FHOD3: variants seen among roughly 807,000 people sequenced by gnomAD.
FHOD3 encodes the protein FH1/FH2 domain-containing protein 3.
Under a neutral mutation model 173.0 loss-of-function variants are expected in FHOD3, and 90 were observed. That is an observed-to-expected ratio of 0.52 (90% CI 0.44 to 0.62). The LOEUF (loss-of-function observed/expected upper bound fraction) is 0.62. Ranked by LOEUF, FHOD3 falls within the 20% of genes least tolerant of loss-of-function variation. The pLI, the probability that FHOD3 is intolerant of heterozygous loss-of-function variation, is 0.00. For synonymous variants in FHOD3, 828 were observed against 823.0 expected, an observed-to-expected ratio of 1.01 and a Z score of -0.10; for missense variants, 1,945 against 2,034.7, an observed-to-expected ratio of 0.96 and a Z score of 0.85.
At chr18:36,626,350 C>T (rs1390011580) in intron 10 of FHOD3, among the ~76,000 whole-genome samples, 2 of 152,108 alleles carry the variant, frequency 1.3e-5, no homozygotes, top group South Asian at 2.1e-4. Flanking sequence ...TTGAGCCTCA[C>T]GTTTGGGCTG....
At chr18:36,577,657 G>T (rs2058704686) in intron 6 of FHOD3, among the ~76,000 whole-genome samples, 1 of 152,186 alleles carries the variant, frequency 6.6e-6, no homozygotes, top group Non-Finnish European at 1.5e-5. Flanking sequence ...CCACTGTCAG[G>T]TAAGTAATAT....
chr18:36,691,500 A>T (rs533378), intron 16 of FHOD3, among the ~76,000 whole-genome samples: 72,352 of 152,028 alleles, frequency 0.48, 17,418 homozygotes, highest in East Asian at 0.68. Context: ...TTACCCTTAA[A>T]ATTGTTTTCT....
intron 3 of FHOD3, among the ~76,000 whole-genome samples, chr18:36,498,589 A>C (rs1443799844): frequency 6.6e-6 from 1 of 152,206 alleles, no homozygotes; most frequent in Non-Finnish European, 1.5e-5. Flanking sequence ...ACAAATGAAC[A>C]AACTTCATTG....
intron 19 of FHOD3, among the ~76,000 whole-genome samples, chr18:36,728,374 T>C (rs1157735578): frequency 1.3e-5 from 2 of 152,316 alleles, no homozygotes; most frequent in Non-Finnish European, 2.9e-5. Context: ...AACATAAAAT[T>C]AGATTTAAAA....
intron 1 of FHOD3, among the ~76,000 whole-genome samples, chr18:36,353,340 T>C (rs1479386440): frequency 2.6e-5 from 4 of 152,258 alleles, no homozygotes; most frequent in African/African-American, 9.6e-5. Context: ...CTGTTGTGGA[T>C]AACCAGAAAC....
chr18:36,578,327 C>T (rs2058730517), intron 6 of FHOD3, among the ~76,000 whole-genome samples: 1 of 152,060 alleles, frequency 6.6e-6, no homozygotes, highest in Admixed American at 6.5e-5. Flanking sequence ...AGGGGAGCCA[C>T]CCTTTATAAA....
chr18:36,493,635 A>G (rs1476922690), intron 3 of FHOD3, among the ~76,000 whole-genome samples: 1 of 152,184 alleles, frequency 6.6e-6, no homozygotes, highest in Non-Finnish European at 1.5e-5. Context: ...TGGTGTTTGA[A>G]GAGCAAATGG....
chr18:36,518,582 T>A (rs2056112907), intron 5 of FHOD3, among the ~76,000 whole-genome samples: 2 of 152,194 alleles, frequency 1.3e-5, no homozygotes. Context: ...TGGGGCTGAA[T>A]GGAACCTGCA....
Position 36,746,997 on chromosome 18 carries a change from A to T in FHOD3, c.4094A>T (p.Lys1365Ile). Residue 1365 changes from lysine to isoleucine, a missense_variant, in exon 24 of 29, where the codon AAA (lysine) becomes ATA (isoleucine). By Grantham distance (102) the Lys-to-Ile change is moderately radical. Coordinates refer to ENST00000590592, the MANE Select transcript of FHOD3 (RefSeq NM_001281740.3). ...DNLCQMERRC[K>I]ASWDHLKAIA... ...TTATGTCAGATGGAGAGAAGATGCA[A>T]AGCTTCATGGGATCACCTCAAGGCA... 6.2e-7 allele frequency: 1 copy of T among 1,612,952 alleles called. No individual in the cohort carries two copies.
intron 1 of FHOD3, among the ~76,000 whole-genome samples, chr18:36,309,749 A>G (rs1164900006): frequency 5.3e-5 from 8 of 152,202 alleles, no homozygotes; most frequent in African/African-American, 1.2e-4. Flanking sequence ...GTCCAGAACA[A>G]TAGTCAAGGA....
At chr18:36,726,883 C>G (rs1207078525) in intron 19 of FHOD3, among the ~76,000 whole-genome samples, 2 of 152,162 alleles carry the variant, frequency 1.3e-5, no homozygotes, top group African/African-American at 2.4e-5. Context: ...CTATGTTGGC[C>G]AGGATGGCCT....
chr18:36,720,043 G>A (rs560330606), intron 19 of FHOD3, among the ~76,000 whole-genome samples: 30 of 152,064 alleles, frequency 2.0e-4, no homozygotes, highest in African/African-American at 4.3e-4. Context: ...AATCTACACC[G>A]TTAGGATCCA....
Position 36,718,652 on chromosome 18 carries a change from G to C in FHOD3, c.3354G>C (p.Lys1118Asn), listed in dbSNP as rs745642307. The change falls in exon 19 of 29, where the codon AAG becomes AAC. Residue 1118 changes from lysine to asparagine, a missense_variant. Physicochemically the swap from Lys to Asn is moderately conservative, Grantham distance 94. This residue lies in a region of FHOD3 where 231 missense variants were observed against 321.9 expected (regional missense o/e 0.72). Coordinates refer to ENST00000590592, the MANE Select transcript of FHOD3 (RefSeq NM_001281740.3). The stretch of plus-strand genomic sequence containing the variant: ...TGTGGTCAAAACTGGAACCCATTAA[G>C]GTGGACACTTCCAGACTGGAGCACC... ...EFLWSKLEPI[K>N]VDTSRLEHLF... 2 of 1,614,200 alleles carry C rather than the reference G, an allele frequency of 1.2e-6. No homozygotes were observed. Among genetic ancestry groups the C allele is most frequent in the Non-Finnish European group, 1.7e-6 (2 of 1,180,052 alleles).
intron 5 of FHOD3, among the ~76,000 whole-genome samples, chr18:36,523,082 C>A (rs927256544): frequency 9.1e-4 from 139 of 152,300 alleles, no homozygotes; most frequent in Non-Finnish European, 4.7e-4. Flanking sequence ...CCCTAGCCCC[C>A]CAACCACACT....
intron 5 of FHOD3, among the ~76,000 whole-genome samples, chr18:36,569,012 A>G (rs2147847427): frequency 6.6e-6 from 1 of 152,338 alleles, no homozygotes; most frequent in East Asian, 1.9e-4. Flanking sequence ...TAGAATATAT[A>G]GAGAACCCAA....
In FHOD3 at chr18:36,718,734, A is replaced by G. The variant is rs565362837; in HGVS notation, c.3417+19A>G. 1.9e-6 allele frequency: 3 copies of G among 1,598,116 alleles called. No homozygotes were observed. Among genetic ancestry groups the G allele is most frequent in the African/African-American group, 1.3e-5 (1 of 74,322 alleles). On this transcript the variant is annotated intron_variant, in intron 19 of 28. Coordinates refer to ENST00000590592, the MANE Select transcript of FHOD3 (RefSeq NM_001281740.3). ...CTCAAAGGTACTGCTAGTCTTCAGC[A>G]TGCTTCTTGATTGGAAGTTGGGTAG...
At chr18:36,674,568 G>T (rs1043705911) in intron 14 of FHOD3, among the ~76,000 whole-genome samples, 2 of 152,110 alleles carry the variant, frequency 1.3e-5, no homozygotes, top group African/African-American at 4.8e-5. Flanking sequence ...CAGCAACTAG[G>T]TGTCTGGTTG....
chr18:36,395,060 C>T (rs2048482770), intron 3 of FHOD3, among the ~76,000 whole-genome samples: 1 of 152,092 alleles, frequency 6.6e-6, no homozygotes, highest in African/African-American at 2.4e-5. Context: ...TTAGAATATC[C>T]CATATTTACC....
chr18:36,376,157 T>C (rs1283199728), intron 3 of FHOD3, among the ~76,000 whole-genome samples: 2 of 152,164 alleles, frequency 1.3e-5, no homozygotes, highest in African/African-American at 2.4e-5. Context: ...AATCTCATCA[T>C]GAAGAGAAAG....
Sources: allele counts gnomAD v4.1 joint callset (sites outside exome capture counted in the v4.1 genomes callset), GRCh38; gene constraint gnomAD v4.1.1; regional missense constraint gnomAD v4.1.1; transcripts MANE v1.5; gene names NCBI Gene and HGNC (gene_info 2026-07-23, HGNC 2026-07-21).